Variants in OXR1 observed in about 807,000 individuals in gnomAD.
OXR1 encodes oxidation resistance protein 1.
A neutral mutation model predicts 104.6 loss-of-function variants in OXR1; 41 were observed. The ratio of observed to expected loss-of-function variants is 0.39; its 90% CI spans 0.31 to 0.51. The LOEUF is 0.51. Among genes scored for constraint, OXR1 ranks in the 20% least tolerant of loss-of-function variants. The probability of loss-of-function intolerance (pLI) is 0.77; values close to 1 mark genes in which losing one functional copy is unlikely to be tolerated. For synonymous variants in OXR1, 348 were observed against 348.4 expected (o/e 1.00, Z 0.01); for missense variants, 955 against 1,031.9 (o/e 0.93, Z 1.02).
intron 3 of OXR1, among the ~76,000 whole-genome samples, chr8:106,541,158 T>A (rs1328031073): frequency 6.6e-6 from 1 of 152,190 alleles, no homozygotes; most frequent in Non-Finnish European, 1.5e-5. Context: ...AATTAGGATA[T>A]CCTTTAAAAT....
chr8:106,325,202 G>A (rs1253364435), intron 1 of OXR1, among the ~76,000 whole-genome samples: 2 of 152,088 alleles, frequency 1.3e-5, no homozygotes, highest in African/African-American at 4.8e-5. Flanking sequence ...TCCTAATATT[G>A]TTTCCTTACC....
chr8:106,456,245 T>C (rs1820589374), intron 2 of OXR1, among the ~76,000 whole-genome samples: 1 of 152,180 alleles, frequency 6.6e-6, no homozygotes, highest in Non-Finnish European at 1.5e-5. Flanking sequence ...AGATACTGTC[T>C]TTCTGTCCCT....
At chr8:106,528,100 C>T (rs977602138) in intron 3 of OXR1, among the ~76,000 whole-genome samples, 1 of 151,780 alleles carries the variant, frequency 6.6e-6, no homozygotes, top group Admixed American at 6.6e-5. Flanking sequence ...TCTTTTGTCC[C>T]CTCCCTCTTT....
At chr8:106,406,986 G>A (rs972204430) in intron 2 of OXR1, among the ~76,000 whole-genome samples, 1 of 152,106 alleles carries the variant, frequency 6.6e-6, no homozygotes, top group African/African-American at 2.4e-5. Context: ...TACTCTGGCT[G>A]TGCGAGAGTG....
intron 3 of OXR1, among the ~76,000 whole-genome samples, chr8:106,561,342 T>A (rs1275792996): frequency 6.6e-6 from 1 of 152,022 alleles, no homozygotes; most frequent in Non-Finnish European, 1.5e-5. Flanking sequence ...CCCCTCACAG[T>A]ATAAACAAAG....
chr8:106,482,131 G>A (rs1259469277), intron 2 of OXR1, among the ~76,000 whole-genome samples: 1 of 151,832 alleles, frequency 6.6e-6, no homozygotes, highest in East Asian at 1.9e-4. Context: ...TGAGGAAAAA[G>A]GTATGAAATT....
intron 3 of OXR1, among the ~76,000 whole-genome samples, chr8:106,593,220 C>T (rs974177404): frequency 6.6e-6 from 1 of 152,152 alleles, no homozygotes; most frequent in Non-Finnish European, 1.5e-5. Context: ...CTAGGACTTT[C>T]AGGCCATCCT....
At chr8:106,636,315 ATTTTT>A (rs11348392) in intron 3 of OXR1, among the ~76,000 whole-genome samples, 1 of 148,700 alleles carries the variant, frequency 6.7e-6, no homozygotes, top group South Asian at 2.1e-4. Flanking sequence ...AAAGCACATC[ATTTTT>A]TTTTTTTTAT....
At chr8:106,593,985 G>C (rs183952084) in intron 3 of OXR1, among the ~76,000 whole-genome samples, 1 of 152,312 alleles carries the variant, frequency 6.6e-6, no homozygotes, top group East Asian at 1.9e-4. Flanking sequence ...GAAACAAAGC[G>C]TAGATGACAG....
chr8:106,597,318 A>G (rs373071159), intron 3 of OXR1, among the ~76,000 whole-genome samples: 2 of 152,114 alleles, frequency 1.3e-5, no homozygotes, highest in African/African-American at 4.8e-5. Context: ...GTGAAGTTAG[A>G]GTGAGATGAT....
chr8:106,503,359 G>A (rs1267227071), intron 2 of OXR1, among the ~76,000 whole-genome samples: 2 of 152,128 alleles, frequency 1.3e-5, no homozygotes, highest in Non-Finnish European at 2.9e-5. Context: ...TTCAAAATGA[G>A]GCATGAGCCC....
At chr8:106,567,031 G>C (rs1396297524) in intron 3 of OXR1, among the ~76,000 whole-genome samples, 1 of 152,030 alleles carries the variant, frequency 6.6e-6, no homozygotes, top group East Asian at 1.9e-4. Flanking sequence ...GGTTTAATAG[G>C]TGCCGCAAAC....
At chr8:106,381,478 A>G (rs1011295873) in intron 2 of OXR1, among the ~76,000 whole-genome samples, 2 of 152,134 alleles carry the variant, frequency 1.3e-5, no homozygotes, top group African/African-American at 2.4e-5. Context: ...AGAGAAGGGT[A>G]GGGCAGAATC....
Position 106,331,906 on chromosome 8 carries a change from C to G in OXR1, c.-138-27570C>G, listed in dbSNP as rs547822261. ...TGAGACAAGAACGCACCACTGCACTCCAGCCTGGGTGACAGCGAGACTCTG... is the reference window on the plus strand; with the variant it reads ...TGAGACAAGAACGCACCACTGCACTGCAGCCTGGGTGACAGCGAGACTCTG... On this transcript the variant is annotated intron_variant, in intron 1 of 16. Coordinates refer to ENST00000517566, the MANE Select transcript of OXR1 (RefSeq NM_001198533.2). Among the ~76,000 whole-genome samples the G allele has an allele frequency of 1.5e-4, 23 of 151,014 alleles. No individual in the cohort carries two copies. In the South Asian group the frequency reaches 4.6e-3, roughly 30 times the overall value.
chr8:106,492,635 A>G (rs1811167537), intron 2 of OXR1, among the ~76,000 whole-genome samples: 1 of 152,186 alleles, frequency 6.6e-6, no homozygotes, highest in African/African-American at 2.4e-5. Flanking sequence ...ACAGACAGCA[A>G]TATAACATTA....
intron 2 of OXR1, among the ~76,000 whole-genome samples, chr8:106,435,854 G>A (rs1324626430): frequency 1.3e-5 from 2 of 152,038 alleles, no homozygotes; most frequent in African/African-American, 4.8e-5. Flanking sequence ...TCAGTGCTCT[G>A]ATCACTCACT....
intron 2 of OXR1, among the ~76,000 whole-genome samples, chr8:106,474,761 C>A (rs567396081): frequency 1.8e-4 from 28 of 151,992 alleles, no homozygotes; most frequent in African/African-American, 6.7e-4. Flanking sequence ...GCTTTTCCAA[C>A]CCTTGAGCAA....
chr8:106,359,552 C>T lies in OXR1; in HGVS notation c.-62C>T, dbSNP rs183590975. The T allele has an allele frequency of 4.2e-5, 58 of 1,370,226 alleles. No individual in the cohort carries two copies. In the Admixed American group the frequency reaches 5.1e-4, roughly 12 times the overall value. 84.9% of individuals were successfully genotyped at this position (1,370,226 alleles called of 1,614,324 possible). On this transcript the variant is annotated 5_prime_UTR_variant, in exon 2 of 17. Transcript: ENST00000517566. ...AAGCTAAAATTTTTAGCGGTGTTGT[C>T]GACTTGACCTGCTAATTTCCTGTTC... is the stretch of plus-strand genomic sequence containing the variant.
chr8:106,322,116 A>G (rs985052428), intron 1 of OXR1, among the ~76,000 whole-genome samples: 4 of 152,308 alleles, frequency 2.6e-5, no homozygotes, highest in South Asian at 2.1e-4. Context: ...TTGAGTTTCA[A>G]TATAACACTT....
Sources: gnomAD v4.1 joint callset for allele counts (sites outside exome capture counted in the v4.1 genomes callset) on GRCh38, gnomAD v4.1.1 for gene constraint, MANE v1.5 for transcripts, NCBI Gene and HGNC (gene_info 2026-07-23, HGNC 2026-07-21) for gene names.